Variants in MTA3 observed in about 807,000 individuals in gnomAD.
MTA3 encodes metastasis-associated protein MTA3.
Under a neutral mutation model 83.5 loss-of-function variants are expected in MTA3, and 34 were observed. The observed-to-expected ratio is 0.41, with a 90% CI of 0.31 to 0.54. MTA3 has a LOEUF of 0.54. MTA3 is among the 20% of genes least tolerant of loss of function. The pLI, the probability that MTA3 is intolerant of heterozygous loss-of-function variation, is 0.33. For synonymous variants in MTA3, 303 were observed against 252.7 expected, an observed-to-expected ratio of 1.20 and a Z score of -1.89; for missense variants, 761 against 726.4, an observed-to-expected ratio of 1.05 and a Z score of -0.55.
chr2:42,651,291 G>A (rs1688694095), intron 6 of MTA3, among the ~76,000 whole-genome samples: 1 of 152,132 alleles, frequency 6.6e-6, no homozygotes, highest in Admixed American at 6.5e-5. Context: ...GGACATTACT[G>A]TAGACTTTAT....
At chr2:42,494,879 T>TCTAC (rs1466417456) in exon 1 of MTA3, 1 of 152,258 alleles carries the variant, frequency 6.6e-6, no homozygotes, top group Non-Finnish European at 1.5e-5. Context: ...CGCAGAGCGA[T>TCTAC]CTACCCCGCG....
intron 2 of MTA3, among the ~76,000 whole-genome samples, chr2:42,545,153 G>A (rs977845940): frequency 6.6e-6 from 1 of 152,106 alleles, no homozygotes; most frequent in African/African-American, 2.4e-5. Context: ...CAAGGCAGGA[G>A]GATCACTTGA....
intron 2 of MTA3, among the ~76,000 whole-genome samples, chr2:42,498,215 C>T (rs990423323): frequency 2.0e-5 from 3 of 152,096 alleles, no homozygotes; most frequent in African/African-American, 4.8e-5. Context: ...CAGCCTCTGC[C>T]GAATCAGTTG....
At chr2:42,586,606 AC>A in intron 3 of MTA3, among the ~76,000 whole-genome samples, 1 of 85,602 alleles carries the variant, frequency 1.2e-5, no homozygotes, top group African/African-American at 5.0e-5. Context: ...ACACACACAC[AC>A]ACACACACAT....
rs142172814 is a variant in MTA3 at position 42,620,757 on chromosome 2, G to A, written c.317+11173G>A. ...AGTCCTCCCATCTTGGCCTCTCGAA[G>A]TGTTGGGATTACGGGGATGAGCCAC... On this transcript the variant is annotated intron_variant, in intron 4 of 16. Coordinates refer to ENST00000405094, the MANE Select transcript of MTA3 (RefSeq NM_001330442.2). Among the ~76,000 whole-genome samples the A allele has an allele frequency of 5.4e-3, 817 of 152,308 alleles. 5 individuals carry two copies. The highest frequency in any genetic ancestry group is 0.019 in the African/African-American group (784 of 41,562).
At chr2:42,726,706 A>G (rs1488017958) in intron 16 of MTA3, among the ~76,000 whole-genome samples, 1 of 152,190 alleles carries the variant, frequency 6.6e-6, no homozygotes, top group African/African-American at 2.4e-5. Context: ...GAAAAAAAAG[A>G]TGGACAGCTT....
Position 42,642,596 on chromosome 2 carries a change from A to G in MTA3, c.382-1531A>G, listed in dbSNP as rs558959800. On this transcript the variant is annotated intron_variant, in intron 5 of 16. Coordinates refer to ENST00000405094, the MANE Select transcript of MTA3 (RefSeq NM_001330442.2). ...TCTGTAAAGCAAAACAAAAAAATCA[A>G]ACAATTCTGATTACATAATGATCAT... Among the ~76,000 whole-genome samples the G allele has an allele frequency of 5.3e-5, 8 of 152,198 alleles. No individual in the cohort carries two copies. The East Asian group carries it at 1.5e-3, about 29-fold the overall frequency.
intron 2 of MTA3, among the ~76,000 whole-genome samples, chr2:42,512,965 A>ACCAATCAAACCATCCATCAATTCT (rs1674971851): frequency 6.6e-6 from 1 of 152,190 alleles, no homozygotes; most frequent in Non-Finnish European, 1.5e-5. Flanking sequence ...TTTTAATGGC[A>ACCAATCAAACCATCCATCAATTCT]CCAATCAAAC....
chr2:42,640,820 G>A lies in MTA3; in HGVS notation c.381+584G>A, dbSNP rs142353442. Among the ~76,000 whole-genome samples the A allele has an allele frequency of 2.6e-3, 394 of 152,238 alleles. 1 individual carries two copies. The highest frequency in any genetic ancestry group is 9.0e-3 in the African/African-American group (373 of 41,538). On this transcript the variant is annotated intron_variant, in intron 5 of 16. Coordinates refer to ENST00000405094, the MANE Select transcript of MTA3 (RefSeq NM_001330442.2). ...CATTTAAAGCAACATCATTTGTATG[G>A]TGGGAAACATATTTTAGTATCAGTG...
At chr2:42,660,023 A>C (rs1240171930) in intron 8 of MTA3, among the ~76,000 whole-genome samples, 161 bp downstream of exon 8, 1 of 151,522 alleles carries the variant, frequency 6.6e-6, no homozygotes, top group Non-Finnish European at 1.5e-5. Flanking sequence ...GGTTATGATA[A>C]CACTCGTCTG....
intron 16 of MTA3, among the ~76,000 whole-genome samples, chr2:42,727,767 T>C (rs1371232182): frequency 6.6e-6 from 1 of 152,182 alleles, no homozygotes; most frequent in Non-Finnish European, 1.5e-5. Flanking sequence ...CCTTACAGAA[T>C]TGATCTTACG....
intron 16 of MTA3, among the ~76,000 whole-genome samples, chr2:42,726,498 C>T (rs1455637470): frequency 6.6e-6 from 1 of 152,072 alleles, no homozygotes; most frequent in Non-Finnish European, 1.5e-5. Flanking sequence ...AATGCTATCC[C>T]TCCCCACTCC....
At chr2:42,626,864 C>T (rs890242570) in intron 4 of MTA3, among the ~76,000 whole-genome samples, 5 of 151,874 alleles carry the variant, frequency 3.3e-5, no homozygotes, top group African/African-American at 9.7e-5. Context: ...CCTCAGCCTC[C>T]CAAGTAGTTG....
chr2:42,594,966 G>T (rs1449920709), intron 3 of MTA3, among the ~76,000 whole-genome samples: 11 of 148,202 alleles, frequency 7.4e-5, no homozygotes, highest in Non-Finnish European at 1.6e-4. Flanking sequence ...TGTTAACCAG[G>T]ATGGTCTTGA....
chr2:42,586,557 AACACACACACACACACAC>A lies in MTA3; in HGVS notation c.190+7399_190+7416del, dbSNP rs68029790. On this transcript the variant is annotated intron_variant, in intron 3 of 16. Transcript: ENST00000405094. ...AAAACACACACACACAAGGAAGGAAAACACACACACACACACACACACACACACACACACACACACACA... is the reference window on the plus strand; with the variant it reads ...AAAACACACACACACAAGGAAGGAAAACACACACACACACACACACACACA... Among the ~76,000 whole-genome samples, 362 of 125,998 alleles carry A rather than the reference AACACACACACACACACAC, an allele frequency of 2.9e-3. 6 individuals carry two copies. The highest frequency in any genetic ancestry group is 5.2e-3 in the African/African-American group (176 of 33,836). 82.7% of individuals were successfully genotyped at this position (125,998 alleles called of 152,430 possible). A position where few individuals can be genotyped will look rare whatever the true frequency, so the allele number is the denominator to read the frequency against.
At position 42,755,050 on chromosome 2, in the gene MTA3, T is replaced by C; in HGVS notation, c.*1651T>C. ...TGGGGCCTGTGTCAGAAGCATTTGG[T>C]GAGAGGGGTGGAGGTGGCAGGCAGG... On this transcript the variant is annotated 3_prime_UTR_variant, in exon 17 of 17. Transcript: ENST00000405094. 1.0e-6 allele frequency: 1 copy of C among 985,462 alleles called. No individual in the cohort carries two copies. The highest frequency in any genetic ancestry group is 1.2e-6 in the Non-Finnish European group (1 of 830,084). 61.0% of individuals were successfully genotyped at this position (985,462 alleles called of 1,614,324 possible).
At chr2:42,709,141 C>G (rs560425405) in intron 14 of MTA3, 45 bp downstream of exon 14, 1 of 1,526,170 alleles carries the variant, frequency 6.6e-7, no homozygotes. Flanking sequence ...GTGCTTCTGA[C>G]CATTTTCTCT....
chr2:42,571,872 G>A (rs1292866031), intron 2 of MTA3, among the ~76,000 whole-genome samples: 3 of 151,882 alleles, frequency 2.0e-5, no homozygotes, highest in African/African-American at 7.3e-5. Context: ...GCTTGAACCT[G>A]GGAGGCATAG....
At chr2:42,611,041 G>C (rs987704270) in intron 4 of MTA3, among the ~76,000 whole-genome samples, 18 of 149,852 alleles carry the variant, frequency 1.2e-4, no homozygotes, top group African/African-American at 4.2e-4. Flanking sequence ...GAGTGCAGTG[G>C]CGCGATCTTG....
Sources: gnomAD v4.1 joint callset for allele counts (sites outside exome capture counted in the v4.1 genomes callset) on GRCh38, gnomAD v4.1.1 for gene constraint, MANE v1.5 for transcripts, NCBI Gene and HGNC (gene_info 2026-07-23, HGNC 2026-07-21) for gene names.